NECTIN2: variants seen among roughly 807,000 people sequenced by gnomAD.
The protein encoded by NECTIN2 is nectin-2.
Under a neutral mutation model 56.9 loss-of-function variants are expected in NECTIN2, and 23 were observed. The observed-to-expected ratio is 0.40, with a 90% CI of 0.29 to 0.57. NECTIN2 has a LOEUF of 0.57. Ranked by LOEUF, NECTIN2 falls within the 20% of genes least tolerant of loss-of-function variation. The pLI is 0.38. For synonymous variants in NECTIN2, 302 were observed against 313.8 expected, an observed-to-expected ratio of 0.96 and a Z score of 0.40; for missense variants, 587 against 718.3, an observed-to-expected ratio of 0.82 and a Z score of 2.09.
intron 6 of NECTIN2, among the ~76,000 whole-genome samples, chr19:44,883,272 GT>G (rs778142952): frequency 8.9e-4 from 136 of 152,214 alleles, no homozygotes; most frequent in Admixed American, 1.5e-3. Flanking sequence ...CCAGCACTTT[GT>G]TTTGTTTTTG....
chr19:44,859,215 G>T lies in NECTIN2; in HGVS notation c.89-6056G>T, dbSNP rs537160868. Among the ~76,000 whole-genome samples the T allele has an allele frequency of 7.9e-5, 12 of 152,264 alleles. No individual in the cohort carries two copies. In the South Asian group the frequency reaches 1.9e-3, roughly 24 times the overall value. ...TGCCCTGGCCTTTCCTGGCCTGGGG[G>T]CTGAGTGCCAAGGCCACCTGTAATT... On this transcript the variant is annotated intron_variant, in intron 1 of 8. Transcript: ENST00000252483.
chr19:44,858,130 G>A (rs186472069), intron 1 of NECTIN2, among the ~76,000 whole-genome samples: 1 of 152,078 alleles, frequency 6.6e-6, no homozygotes, highest in Non-Finnish European at 1.5e-5. Context: ...ATTTCGCATA[G>A]CTCAGACTGA....
chr19:44,882,283 C>T lies in NECTIN2; in HGVS notation c.1115C>T (p.Thr372Ile). The T allele has an allele frequency of 1.9e-6, 3 of 1,566,438 alleles. No homozygotes were observed. The highest frequency in any genetic ancestry group is 2.6e-6 in the Non-Finnish European group (3 of 1,156,322). The change falls in exon 6 of 9, where the codon ACT becomes ATT. Residue 372 changes from threonine (T) to isoleucine (I), a missense_variant. Coordinates refer to ENST00000252483, the MANE Select transcript of NECTIN2 (RefSeq NM_001042724.2). ...GGCATCATCGCCGCCATCATTGCTA[C>T]TGCTGTGGCTGCCACGGGCATCCTT... ...IGGIIAAIIA[T>I]AVAATGILIC...
Position 44,865,725 on chromosome 19 carries a change from G to A in NECTIN2, c.478+65G>A, listed in dbSNP as rs1040455203. 1.3e-5 allele frequency: 19 copies of A among 1,432,278 alleles called. No homozygotes were observed. The highest frequency in any genetic ancestry group is 7.1e-5 in the African/African-American group (5 of 70,310). 88.7% of individuals were successfully genotyped at this position (1,432,278 alleles called of 1,614,324 possible). A position where few individuals can be genotyped will look rare whatever the true frequency, so the allele number is the denominator to read the frequency against. On this transcript the variant is annotated intron_variant, in intron 2 of 8. Transcript: ENST00000252483. The surrounding 1 kb of genome is among the most constrained non-coding windows in gnomAD (Gnocchi z 5.2). Reference sequence around the variant, plus strand: ...CCGCGGTGTGGGAGCATCCCCTTGCGGGTCAGTTTCTCTCTTGGCTTCAGC... The same window carrying A: ...CCGCGGTGTGGGAGCATCCCCTTGCAGGTCAGTTTCTCTCTTGGCTTCAGC...
rs576641302 is a variant in NECTIN2 at position 44,868,924 on chromosome 19, A to T, written c.479-2929A>T. ...GAGACTCTGTCTGGAAAAAAAAAAAAATATGTTGGAAGTCCCCTGGGAGCC... is the reference window on the plus strand; with the variant it reads ...GAGACTCTGTCTGGAAAAAAAAAAATATATGTTGGAAGTCCCCTGGGAGCC... On this transcript the variant is annotated intron_variant, in intron 2 of 8. Coordinates refer to ENST00000252483, the MANE Select transcript of NECTIN2 (RefSeq NM_001042724.2). 2.4e-3 allele frequency among the ~76,000 whole-genome samples: 361 copies of T among 151,042 alleles called. 3 individuals carry two copies. The highest frequency in any genetic ancestry group is 8.5e-3 in the African/African-American group (349 of 41,122).
Position 44,846,420 on chromosome 19 carries a change from G to A in NECTIN2, c.-106G>A. ...AGAGCGCAGCGGGAACCGGCCCGGA[G>A]CCGGAGCCGGAGCCCCACAGGCACC... On this transcript the variant is annotated 5_prime_UTR_variant, in exon 1 of 9. Transcript: ENST00000252483. The A allele has an allele frequency of 7.6e-7, 1 of 1,322,856 alleles. No individual in the cohort carries two copies. The highest frequency in any genetic ancestry group is 9.7e-7 in the Non-Finnish European group (1 of 1,029,082). The allele number at this position is 1,322,856 out of a possible 1,614,324, so 81.9% of individuals were successfully genotyped here.
rs1388229065 is a variant in NECTIN2, at chr19:44,885,966, C to T, written c.1226C>T (p.Pro409Leu). ...GAGGGACCTCCCTCCTACAAGCCACCGACCCCAAAAGCGAAGCTGGAGGCA... is the reference window on the plus strand; with the variant it reads ...GAGGGACCTCCCTCCTACAAGCCACTGACCCCAAAAGCGAAGCTGGAGGCA... Reference protein sequence around the residue: ...DLEGPPSYKPPTPKAKLEAQE... With the variant: ...DLEGPPSYKPLTPKAKLEAQE... Residue 409 changes from proline (P) to leucine (L), a missense_variant, in exon 7 of 9, where the codon CCG becomes CTG. Coordinates refer to ENST00000252483, the MANE Select transcript of NECTIN2 (RefSeq NM_001042724.2). 6.9e-6 allele frequency: 11 copies of T among 1,602,454 alleles called. No individual in the cohort carries two copies. The highest frequency in any genetic ancestry group is 4.0e-5 in the African/African-American group (3 of 74,580).
intron 2 of NECTIN2, among the ~76,000 whole-genome samples, chr19:44,870,608 C>G (rs1176733680): frequency 1.3e-5 from 2 of 152,034 alleles, no homozygotes; most frequent in Non-Finnish European, 2.9e-5. Context: ...CTTTATCACA[C>G]TTCCAGTCAT....
chr19:44,872,728 C>G (rs185224067), intron 3 of NECTIN2, among the ~76,000 whole-genome samples: 24 of 151,556 alleles, frequency 1.6e-4, no homozygotes, highest in Non-Finnish European at 3.4e-4. Context: ...TAGGTGCCAT[C>G]TATACTGAGT....
intron 5 of NECTIN2, chr19:44,878,422 G>C: frequency 6.3e-7 from 1 of 1,579,092 alleles, no homozygotes. Flanking sequence ...AAGCTCAGGT[G>C]TTGGGAAATG....
At chr19:44,851,966 C>T (rs1968904227) in intron 1 of NECTIN2, among the ~76,000 whole-genome samples, 1 of 152,136 alleles carries the variant, frequency 6.6e-6, no homozygotes, top group African/African-American at 2.4e-5. Flanking sequence ...CCCAGCTTCT[C>T]CCTGTCACCC....
At chr19:44,881,037 G>A (rs113525313) in intron 5 of NECTIN2, among the ~76,000 whole-genome samples, 1 of 152,022 alleles carries the variant, frequency 6.6e-6, no homozygotes, top group African/African-American at 2.4e-5. Context: ...GCCTCCCAAA[G>A]TGCTGGGATT....
In NECTIN2 at chr19:44,866,139, C is replaced by T. The variant is rs185914461; in HGVS notation, c.478+479C>T. Among the ~76,000 whole-genome samples the T allele has an allele frequency of 1.4e-3, 209 of 151,754 alleles. 1 individual carries two copies. Among genetic ancestry groups the T allele is most frequent in the African/African-American group, 4.9e-3 (204 of 41,386 alleles). ...GTGAGCCGAGATTGTGCCACCACTG[C>T]ACTCTAGTCTGGGTGACAGAGCAAG... On this transcript the variant is annotated intron_variant, in intron 2 of 8. Coordinates refer to ENST00000252483, the MANE Select transcript of NECTIN2 (RefSeq NM_001042724.2).
intron 1 of NECTIN2, among the ~76,000 whole-genome samples, chr19:44,864,065 T>C (rs967363255): frequency 1.3e-5 from 2 of 150,226 alleles, no homozygotes; most frequent in Admixed American, 6.6e-5. Flanking sequence ...CTGGGTACAG[T>C]GGCTCACGCC....
chr19:44,873,691 G>GCACTGAACAATAACTCCCAC (rs1395177258), intron 3 of NECTIN2, among the ~76,000 whole-genome samples: 23 of 152,070 alleles, frequency 1.5e-4, no homozygotes, highest in African/African-American at 5.3e-4. Flanking sequence ...GGCACTGCCA[G>GCACTGAACAATAACTCCCAC]CACTGAACAA....
rs375813744 is a variant in NECTIN2, at chr19:44,878,340, T to TGAG, written c.1043-3859_1043-3857dup. On this transcript the variant is annotated intron_variant, in intron 5 of 8. Transcript: ENST00000252483. ...TCCTTGGCCTTCATCCTGCTGAGGG[T>TGAG]GAGGAGGAGGAGGAAGAGCCCTGGA... 5,507 of 1,534,678 alleles carry TGAG rather than the reference T, an allele frequency of 3.6e-3. 7 individuals are homozygous for TGAG. Among genetic ancestry groups the TGAG allele is most frequent in the Non-Finnish European group, 4.5e-3 (5,140 of 1,134,024 alleles).
intron 1 of NECTIN2, among the ~76,000 whole-genome samples, chr19:44,849,829 C>T (rs1043446532): frequency 1.3e-5 from 2 of 152,072 alleles, no homozygotes; most frequent in African/African-American, 4.8e-5. Context: ...GAGTGACTAA[C>T]GGGGACAGGG....
At chr19:44,866,552 G>T (rs1000828196) in intron 2 of NECTIN2, among the ~76,000 whole-genome samples, 14 of 152,030 alleles carry the variant, frequency 9.2e-5, no homozygotes. Context: ...AGGGAAGAGC[G>T]TTCCAGGCAG....
At chr19:44,860,955 TA>T (rs35454521) in intron 1 of NECTIN2, among the ~76,000 whole-genome samples, 48,200 of 140,732 alleles carry the variant, frequency 0.34, 8,482 homozygotes, top group Non-Finnish European at 0.4. Flanking sequence ...TAAAGCTGTT[TA>T]AAAAAAAAAA....
Sources: allele counts gnomAD v4.1 joint callset (sites outside exome capture counted in the v4.1 genomes callset), GRCh38; gene constraint gnomAD v4.1.1; non-coding constraint Gnocchi (gnomAD v3.1); transcripts MANE v1.5; gene names NCBI Gene and HGNC (gene_info 2026-07-23, HGNC 2026-07-21).